The following VRK3 variants were observed in gnomAD, a reference collection of about 807,000 sequenced individuals.
VRK3 encodes serine/threonine-protein kinase VRK3.
In VRK3, 50 loss-of-function variants were observed where a neutral mutation model predicts 60.4. The observed-to-expected ratio is 0.83, with a 90% CI of 0.66 to 1.05. VRK3 has a LOEUF of 1.05. VRK3 is among the 50% of genes least tolerant of loss of function. VRK3 has a pLI of 0.00. For synonymous variants in VRK3, 246 were observed against 227.8 expected (o/e 1.08, Z -0.72); for missense variants, 549 against 585.3 (o/e 0.94, Z 0.64).
chr19:49,982,735 C>T (rs931959077), intron 12 of VRK3, among the ~76,000 whole-genome samples: 18 of 152,292 alleles, frequency 1.2e-4, no homozygotes, highest in Non-Finnish European at 2.5e-4. Flanking sequence ...ATAATCAGGA[C>T]TGACTGTATA....
At chr19:50,017,804 T>C (rs10424288) in intron 2 of VRK3, among the ~76,000 whole-genome samples, 7,960 of 152,012 alleles carry the variant, frequency 0.052, 689 homozygotes, top group African/African-American at 0.18. Context: ...ACTATAGGTA[T>C]GTGCCACCAC....
At chr19:50,020,140 A>G (rs2077149223) in intron 2 of VRK3, among the ~76,000 whole-genome samples, 1 of 151,702 alleles carries the variant, frequency 6.6e-6, no homozygotes, top group Non-Finnish European at 1.5e-5. Context: ...TCCCAGGTTC[A>G]AGCAATTCTC....
chr19:50,024,568 T>C (rs1235104918), intron 1 of VRK3, among the ~76,000 whole-genome samples: 1 of 152,226 alleles, frequency 6.6e-6, no homozygotes, highest in Non-Finnish European at 1.5e-5. Context: ...GTGAATTAGC[T>C]GGGCAGGATT....
At position 49,980,265 on chromosome 19, in the gene VRK3, G is replaced by A. The variant is rs927714428; in HGVS notation, c.1276+690C>T. ...GTGCAAATACCCAGTAACAGGGATT[G>A]GCTTTATAAGTTACGGTGCGGACAA... On this transcript the variant is annotated intron_variant, in intron 13 of 14. Transcript: ENST00000316763. Among the ~76,000 whole-genome samples, 5 of 152,192 alleles carry A rather than the reference G, an allele frequency of 3.3e-5. No homozygotes were observed. The East Asian group carries it at 9.7e-4, about 29-fold the overall frequency.
At chr19:49,994,182 C>T (rs2076660552) in intron 9 of VRK3, among the ~76,000 whole-genome samples, 1 of 152,164 alleles carries the variant, frequency 6.6e-6, no homozygotes, top group South Asian at 2.1e-4. Flanking sequence ...AAACTGGGCC[C>T]TCTTACTCTC....
intron 12 of VRK3, chr19:49,981,260 G>A: frequency 3.8e-6 from 2 of 528,414 alleles, no homozygotes; most frequent in Middle Eastern, 5.0e-4. Flanking sequence ...AATACACCTT[G>A]TTTTGGCCGG....
chr19:50,004,499 C>T (rs1041790328), intron 5 of VRK3, among the ~76,000 whole-genome samples: 10 of 152,204 alleles, frequency 6.6e-5, no homozygotes, highest in African/African-American at 2.4e-4. Context: ...CTACTACTTC[C>T]AGGCTGTGTG....
At chr19:50,020,185 T>C (rs1220472415) in intron 2 of VRK3, among the ~76,000 whole-genome samples, 4 of 152,056 alleles carry the variant, frequency 2.6e-5, no homozygotes, top group Non-Finnish European at 5.9e-5. Flanking sequence ...GGACTACAGG[T>C]AGGCGCCACC....
intron 10 of VRK3, among the ~76,000 whole-genome samples, chr19:49,991,519 A>ACACACACACACACACG (rs1491319196): frequency 2.2e-5 from 3 of 137,162 alleles, no homozygotes; most frequent in African/African-American, 3.5e-5. Context: ...ATAAATCTCT[A>ACACACACACACACACG]CACACACACA....
At chr19:50,003,424 C>T (rs540433991) in intron 5 of VRK3, among the ~76,000 whole-genome samples, 10 of 152,372 alleles carry the variant, frequency 6.6e-5, no homozygotes, top group East Asian at 1.9e-4. Flanking sequence ...CAGAGGGCAG[C>T]GTGGGCCCGA....
intron 1 of VRK3, among the ~76,000 whole-genome samples, chr19:50,022,537 G>A (rs1462496843): frequency 6.6e-6 from 1 of 152,088 alleles, no homozygotes; most frequent in South Asian, 2.1e-4. Flanking sequence ...TGTGATCCCA[G>A]CACTTTGGGA....
intron 12 of VRK3, chr19:49,982,329 C>A: frequency 1.5e-6 from 1 of 651,624 alleles, no homozygotes; most frequent in Non-Finnish European, 2.8e-6. Context: ...TGCTAGGTGG[C>A]TGTTTGATTT....
intron 1 of VRK3, among the ~76,000 whole-genome samples, 160 bp from the exon 2 acceptor site, chr19:50,020,807 C>T (rs1479123117): frequency 3.3e-5 from 5 of 152,204 alleles, no homozygotes; most frequent in Non-Finnish European, 7.3e-5. Flanking sequence ...CCTGTTTATG[C>T]CAGCCACTAG....
chr19:49,990,783 ATT>A (rs554117457), intron 10 of VRK3, among the ~76,000 whole-genome samples: 13 of 146,962 alleles, frequency 8.8e-5, no homozygotes, highest in African/African-American at 3.2e-4. Flanking sequence ...TAAAAAAATA[ATT>A]TTTTTTTTTT....
At chr19:50,001,409 C>T (rs555277948) in intron 5 of VRK3, 2 of 153,094 alleles carry the variant, frequency 1.3e-5, no homozygotes, top group East Asian at 3.9e-4. Context: ...CAGGGTGACC[C>T]AGGTCCAGTG....
chr19:49,983,458 A>G (rs2076458608), intron 12 of VRK3, among the ~76,000 whole-genome samples: 1 of 152,144 alleles, frequency 6.6e-6, no homozygotes, highest in Non-Finnish European at 1.5e-5. Flanking sequence ...CATGGCGGCC[A>G]TTGACATACA....
At position 49,997,144 on chromosome 19, in the gene VRK3, C is replaced by G. The variant is rs1432887849; in HGVS notation, c.679+360G>C. On this transcript the variant is annotated intron_variant, in intron 7 of 14. Transcript: ENST00000316763. ...GGATCACAGGTGCATGCCATTACACCCGGCTAATTTTTGTATTTTCAGTAG... is the reference window on the plus strand; with the variant it reads ...GGATCACAGGTGCATGCCATTACACGCGGCTAATTTTTGTATTTTCAGTAG... The G allele has an allele frequency of 3.7e-5, 6 of 163,334 alleles. No individual in the cohort carries two copies. The South Asian group carries it at 1.0e-3, about 27-fold the overall frequency. 10.1% of individuals were successfully genotyped at this position (163,334 alleles called of 1,614,324 possible).
chr19:50,001,038 C>T, intron 5 of VRK3, 184 bp from the exon 6 acceptor site: 1 of 592,376 alleles, frequency 1.7e-6, no homozygotes, highest in Non-Finnish European at 3.0e-6. Flanking sequence ...CTCTTTCTCT[C>T]TGTCACTATC....
chr19:49,979,835 A>C lies in VRK3; in HGVS notation c.1277-593T>G, dbSNP rs371697129. On this transcript the variant is annotated intron_variant, in intron 13 of 14. Coordinates refer to ENST00000316763, the MANE Select transcript of VRK3 (RefSeq NM_016440.4). ...GAGGCGGGTGGATCATGAAGTCAGG[A>C]GATCGAGACCATCCTGGCTAACACA... 1.9e-3 allele frequency among the ~76,000 whole-genome samples: 293 copies of C among 151,796 alleles called. 2 individuals carry two copies. Among genetic ancestry groups the C allele is most frequent in the African/African-American group, 6.8e-3 (281 of 41,384 alleles).
Sources: gnomAD v4.1 joint callset for allele counts (sites outside exome capture counted in the v4.1 genomes callset) on GRCh38, gnomAD v4.1.1 for gene constraint, MANE v1.5 for transcripts, NCBI Gene and HGNC (gene_info 2026-07-23, HGNC 2026-07-21) for gene names.